ZNF273: variants seen among roughly 807,000 people sequenced by gnomAD.
ZNF273 encodes zinc finger protein 9.
Under a neutral mutation model 14.9 loss-of-function variants are expected in ZNF273, and 11 were observed. The observed-to-expected ratio is 0.74, with a 90% CI of 0.46 to 1.22. The LOEUF is 1.22. Ranked by LOEUF, ZNF273 falls within the 50% of genes most tolerant of loss-of-function variation. The pLI is 0.00. For missense variants in ZNF273, 577 were observed against 660.6 expected (o/e 0.87, Z 1.39); for synonymous variants, 199 against 223.9 (o/e 0.89, Z 0.99).
At chr7:64,889,190 G>A, downstream of ZNF273, 1 of 985,888 alleles carries the variant, frequency 1.0e-6, no homozygotes, top group Non-Finnish European at 1.2e-6. The surrounding 1 kb of genome is among the most constrained non-coding windows in gnomAD (Gnocchi z 4.2). Flanking sequence ...GGCAGCCCCT[G>A]CAGTCATGGG....
At chr7:64,919,381 G>A (rs946645873) in intron 3 of ZNF273, among the ~76,000 whole-genome samples, 3 of 152,136 alleles carry the variant, frequency 2.0e-5, no homozygotes, top group Non-Finnish European at 2.9e-5. Flanking sequence ...GGCTGCTCAC[G>A]TCTGTAATCT....
At chr7:64,881,683 A>C (rs954360952), downstream of ZNF273, among the ~76,000 whole-genome samples, 2 of 152,170 alleles carry the variant, frequency 1.3e-5, no homozygotes, top group Non-Finnish European at 2.9e-5. Context: ...TTCAGGGGGC[A>C]CAAGGGACTT....
At chr7:64,917,066 T>TA (rs1794059361) in intron 1 of ZNF273, 1 of 1,286,068 alleles carries the variant, frequency 7.8e-7, no homozygotes, top group African/African-American at 1.5e-5. Flanking sequence ...CTCTTCCACT[T>TA]ACTGGATGTT....
At chr7:64,916,506 T>C (rs1021051588) in intron 1 of ZNF273, among the ~76,000 whole-genome samples, 2 of 142,850 alleles carry the variant, frequency 1.4e-5, no homozygotes, top group Non-Finnish European at 1.5e-5. Flanking sequence ...GATCACACCA[T>C]TGCACTCTAG....
intron 3 of ZNF273, among the ~76,000 whole-genome samples, chr7:64,926,321 T>TTA (rs530289559): frequency 6.6e-6 from 1 of 152,156 alleles, no homozygotes. Flanking sequence ...GAAATCGTGC[T>TTA]TATATATGTG....
downstream of ZNF273, among the ~76,000 whole-genome samples, chr7:64,931,904 G>A (rs1163704765): frequency 3.9e-5 from 6 of 152,078 alleles, no homozygotes; most frequent in Non-Finnish European, 5.9e-5. Flanking sequence ...GAATTCTGCC[G>A]AATTTAAAGA....
intron 3 of ZNF273, 96 bp from the exon 4 acceptor site, chr7:64,927,558 T>C: frequency 9.2e-7 from 1 of 1,092,142 alleles, no homozygotes; most frequent in South Asian, 1.7e-5. Context: ...TATACCATCT[T>C]CCTTATGTAG....
At chr7:64,903,500 G>A in intron 1 of ZNF273, 81 bp downstream of exon 1, 2 of 1,374,122 alleles carry the variant, frequency 1.5e-6, no homozygotes, top group East Asian at 2.4e-5. Context: ...GCGAGACTCC[G>A]GCCTCCCTGC....
intron 1 of ZNF273, chr7:64,888,355 G>C (rs1286292218): frequency 9.1e-6 from 9 of 985,336 alleles, no homozygotes; most frequent in South Asian, 9.4e-5. Context: ...CTGCTCCCAG[G>C]GGGAAGCGGG....
chr7:64,909,619 A>G (rs560701793), intron 1 of ZNF273, among the ~76,000 whole-genome samples: 2 of 150,750 alleles, frequency 1.3e-5, no homozygotes, highest in South Asian at 2.1e-4. Context: ...TAGTGCTGCA[A>G]TGAACATGCA....
At chr7:64,935,816 A>G (rs1010784326), downstream of ZNF273, among the ~76,000 whole-genome samples, 3 of 152,202 alleles carry the variant, frequency 2.0e-5, no homozygotes. Context: ...ATGCATAAAC[A>G]GTTATGTAGA....
chr7:64,914,194 T>G (rs945505255), intron 1 of ZNF273, among the ~76,000 whole-genome samples: 1 of 128,888 alleles, frequency 7.8e-6, no homozygotes, highest in Non-Finnish European at 1.7e-5. Flanking sequence ...TTTTTTTTTT[T>G]TTTTTTTTTT....
intron 1 of ZNF273, among the ~76,000 whole-genome samples, chr7:64,914,598 A>G (rs1793820736): frequency 6.6e-6 from 1 of 152,176 alleles, no homozygotes; most frequent in Non-Finnish European, 1.5e-5. Context: ...AGGACAGTAC[A>G]GCCCATATTG....
At chr7:64,923,831 T>TA (rs1266961030) in intron 3 of ZNF273, 5 of 152,870 alleles carry the variant, frequency 3.3e-5, no homozygotes, top group African/African-American at 9.7e-5. Flanking sequence ...TTTTTTTTTT[T>TA]ACCTTTATAC....
At chr7:64,877,946 A>G (rs2902630) in intron 1 of ZNF273, 145,105 of 152,250 alleles carry the variant, frequency 0.95, 69,568 homozygotes, top group East Asian at 1. Context: ...GAACCTCCCA[A>G]CCTCAGAAGT....
chr7:64,883,214 A>ACCCCC (rs57594044), downstream of ZNF273, among the ~76,000 whole-genome samples: 1,374 of 121,166 alleles, frequency 0.011, 58 homozygotes, highest in South Asian at 0.032. Flanking sequence ...CCAAATCACC[A>ACCCCC]CCCCCCCCTC....
intron 1 of ZNF273, among the ~76,000 whole-genome samples, chr7:64,909,553 C>T (rs1793348077): frequency 1.3e-5 from 2 of 152,132 alleles, no homozygotes; most frequent in Admixed American, 1.3e-4. Flanking sequence ...ATCCGGTCTA[C>T]TATTGATAGA....
intron 1 of ZNF273, among the ~76,000 whole-genome samples, chr7:64,915,448 A>G (rs1793905946): frequency 6.6e-6 from 1 of 152,234 alleles, no homozygotes; most frequent in Non-Finnish European, 1.5e-5. Context: ...TTGTTTATGT[A>G]GATTATAGAT....
At chr7:64,936,088 CAAG>C in the ZNF273 span, among the ~76,000 whole-genome samples, 2 of 152,140 alleles carry the variant, frequency 1.3e-5, no homozygotes, top group South Asian at 2.1e-4. Flanking sequence ...CAAGGCAATA[CAAG>C]AAGAATTTTG....
Sources: gnomAD v4.1 joint callset for allele counts (sites outside exome capture counted in the v4.1 genomes callset) on GRCh38, gnomAD v4.1.1 for gene constraint, Gnocchi (gnomAD v3.1) non-coding constraint, MANE v1.5 for transcripts, NCBI Gene and HGNC (gene_info 2026-07-23, HGNC 2026-07-21) for gene names.